The following COL17A1 variants were observed in gnomAD, a reference collection of about 807,000 sequenced individuals.
COL17A1 encodes collagen type XVII alpha 1 chain.
COL17A1 carries 181 observed loss-of-function variants against 218.4 expected under a neutral mutation model. The observed-to-expected ratio is 0.83, with a 90% CI of 0.73 to 0.94. The LOEUF is 0.94. Ranked by LOEUF, COL17A1 falls within the 40% of genes least tolerant of loss-of-function variation. The probability of loss-of-function intolerance (pLI) is 0.00; values close to 1 mark genes in which losing one functional copy is unlikely to be tolerated. For synonymous variants in COL17A1, 721 were observed against 731.0 expected (o/e 0.99, Z 0.22); for missense variants, 1,924 against 1,945.9 (o/e 0.99, Z 0.21).
intron 46 of COL17A1, among the ~76,000 whole-genome samples, 193 bp downstream of exon 46, chr10:104,037,443 G>T (rs932767870): frequency 6.6e-6 from 1 of 152,192 alleles, no homozygotes; most frequent in Non-Finnish European, 1.5e-5. Flanking sequence ...TGTCTCTCCA[G>T]CGTGGCCGCC....
At chr10:104,036,778 G>A in intron 47 of COL17A1, 146 bp from the exon 48 acceptor site, 1 of 1,031,764 alleles carries the variant, frequency 9.7e-7, no homozygotes, top group Non-Finnish European at 1.5e-6. Context: ...GGTGTTCAGG[G>A]GGGACACCAG....
chr10:104,055,001 A>C lies in COL17A1; in HGVS notation c.1724T>G (p.Met575Arg). ...LRGSPGPKGDMGSPGPKGDRG... is the reference protein window; with the variant it reads ...LRGSPGPKGDRGSPGPKGDRG... ...ATTACCTTTAGGGCCTGGACTTCCC[A>C]TGTCACCTGAAACCAGAAAGATATG... The change falls in exon 20 of 56, where the codon ATG (methionine) becomes AGG (arginine). Residue 575 changes from methionine to arginine, a missense_variant. By Grantham distance (91) the Met-to-Arg change is moderately conservative. Coordinates refer to ENST00000648076, the MANE Select transcript of COL17A1 (RefSeq NM_000494.4). The C allele has an allele frequency of 6.2e-7, 1 of 1,614,102 alleles. No homozygotes were observed.
intron 41 of COL17A1, 103 bp downstream of exon 41, chr10:104,039,870 T>G: frequency 6.6e-7 from 1 of 1,511,832 alleles, no homozygotes; most frequent in Non-Finnish European, 9.2e-7. Context: ...CTCTTGCTTA[T>G]TTGCACCAGG....
rs2086313491 is a variant in COL17A1, at chr10:104,037,630, GC to G, written c.3208+5del. On this transcript the variant is annotated splice_donor_5th_base_variant and intron_variant, in intron 46 of 55. Transcript: ENST00000648076. ...TGCCAGGTGCAGGGCGTGGGGAAGG[GC>G]TTACTCCGTAAGTAGCTCACAACGT... 1 of 1,614,022 alleles carries G rather than the reference GC, an allele frequency of 6.2e-7. No homozygotes were observed. The highest frequency in any genetic ancestry group is 1.3e-5 in the African/African-American group (1 of 74,924).
intron 27 of COL17A1, 59 bp from the exon 28 acceptor site, chr10:104,050,183 C>A (rs2086454797): frequency 6.2e-7 from 1 of 1,611,130 alleles, no homozygotes; most frequent in Non-Finnish European, 8.5e-7. Flanking sequence ...AAAACACTCT[C>A]ACCCAGTAAC....
rs982593963 is a variant in COL17A1 at position 104,059,650 on chromosome 10, C to T, written c.1210G>A (p.Ala404Thr). ...AAYNADSGLK[A>T]EANGDLKTVS... ...TATTTGTTCTTACCATTAGCTTCGG[C>T]TTTTAGGCCTGAGTCAGCATTGTAG... The change falls in exon 15 of 56, where the codon GCC (alanine) becomes ACC (threonine). Residue 404 changes from alanine (A) to threonine (T), a missense_variant. Physicochemically the swap from Ala to Thr is moderately conservative, Grantham distance 58 (BLOSUM62 0). Transcript: ENST00000648076. 5 of 1,614,100 alleles carry T rather than the reference C, an allele frequency of 3.1e-6. No homozygotes were observed. Among genetic ancestry groups the T allele is most frequent in the African/African-American group, 2.7e-5 (2 of 74,940 alleles).
rs962369416 is a variant in COL17A1 at position 104,037,119 on chromosome 10, G to A, written c.3209-6C>T. 3 of 1,601,176 alleles carry A rather than the reference G, an allele frequency of 1.9e-6. No homozygotes were observed. The highest frequency in any genetic ancestry group is 2.6e-6 in the Non-Finnish European group (3 of 1,173,912). On this transcript the variant is annotated splice_region_variant and splice_polypyrimidine_tract_variant and intron_variant, in intron 46 of 55. Transcript: ENST00000648076. ...GCTGACACCGTACCCCGAAGCTGTCGGGAAGAAAACCTCAGGTTACCTGCT... is the reference window on the plus strand; with the variant it reads ...GCTGACACCGTACCCCGAAGCTGTCAGGAAGAAAACCTCAGGTTACCTGCT...
chr10:104,060,510 T>A (rs916105584), intron 13 of COL17A1, among the ~76,000 whole-genome samples: 3 of 152,150 alleles, frequency 2.0e-5, no homozygotes, highest in African/African-American at 7.2e-5. Flanking sequence ...TGGGTCAATG[T>A]CAGAAGCTCT....
chr10:104,075,511 C>A (rs748448379), intron 5 of COL17A1, among the ~76,000 whole-genome samples: 1 of 152,326 alleles, frequency 6.6e-6, no homozygotes. Context: ...CTGGTCCCAG[C>A]CAAAATGTCC....
chr10:104,055,444 TCACACACACACA>T (rs1554849247), intron 18 of COL17A1, 43 bp from the exon 19 acceptor site: 16 of 1,129,464 alleles, frequency 1.4e-5, no homozygotes, highest in African/African-American at 3.3e-5. Context: ...ACATCTCCTG[TCACACACACACA>T]CACACACACA....
chr10:104,045,195 C>T (rs772664510), intron 33 of COL17A1, among the ~76,000 whole-genome samples: 6 of 152,126 alleles, frequency 3.9e-5, no homozygotes, highest in Non-Finnish European at 7.4e-5. Flanking sequence ...CACCACATTG[C>T]CCCAGTCAGA....
chr10:104,080,809 G>T, intron 1 of COL17A1, 125 bp from the exon 2 acceptor site: 2 of 1,025,350 alleles, frequency 2.0e-6, no homozygotes, highest in Non-Finnish European at 2.9e-6. Context: ...ATTCTTTCAC[G>T]TGAATATTTT....
At chr10:104,061,303 C>G in intron 13 of COL17A1, 102 bp downstream of exon 13, 2 of 1,205,146 alleles carry the variant, frequency 1.7e-6, no homozygotes, top group Middle Eastern at 2.4e-4. Flanking sequence ...ATTTCCTCTT[C>G]CAGTATACCA....
chr10:104,041,607 T>C, intron 36 of COL17A1, 69 bp from the exon 37 acceptor site: 1 of 1,346,800 alleles, frequency 7.4e-7, no homozygotes, highest in Non-Finnish European at 1.1e-6. Flanking sequence ...ACTTCTCACC[T>C]CTCACTGGAT....
chr10:104,070,796 A>G (rs568330931), intron 8 of COL17A1, among the ~76,000 whole-genome samples: 3 of 152,326 alleles, frequency 2.0e-5, no homozygotes, highest in South Asian at 2.1e-4. Context: ...GCGTCTCACA[A>G]GGAGGTCAAG....
intron 17 of COL17A1, among the ~76,000 whole-genome samples, chr10:104,056,618 G>C (rs1047621396): frequency 6.6e-6 from 1 of 151,958 alleles, no homozygotes; most frequent in African/African-American, 2.4e-5. Flanking sequence ...AGAAAGAAAA[G>C]AAATAGATAT....
At chr10:104,069,654 C>G (rs766887763) in intron 9 of COL17A1, among the ~76,000 whole-genome samples, 4 of 152,152 alleles carry the variant, frequency 2.6e-5, no homozygotes, top group Non-Finnish European at 5.9e-5. Context: ...AAACCAAAAA[C>G]CAGTTTTTAA....
rs1439700000 is a variant in COL17A1 at position 104,056,969 on chromosome 10, A to G, written c.1465+6T>C. 4.5e-6 allele frequency: 7 copies of G among 1,565,906 alleles called. No individual in the cohort carries two copies. The highest frequency in any genetic ancestry group is 5.2e-6 in the Non-Finnish European group (6 of 1,156,184). On this transcript the variant is annotated splice_donor_region_variant and intron_variant, in intron 17 of 55. Transcript: ENST00000648076. ...CACAGGCTGCCCTGCTGCCTTTGCC[A>G]CGTACCCAGAGCAATGAGGCCGAAG...
intron 1 of COL17A1, among the ~76,000 whole-genome samples, chr10:104,082,834 C>T (rs931647445): frequency 1.3e-5 from 2 of 152,176 alleles, no homozygotes; most frequent in East Asian, 1.9e-4. Flanking sequence ...AATGACAAAG[C>T]CTTGACTTCT....
Sources: allele counts gnomAD v4.1 joint callset (sites outside exome capture counted in the v4.1 genomes callset), GRCh38; gene constraint gnomAD v4.1.1; transcripts MANE v1.5; gene names NCBI Gene and HGNC (gene_info 2026-07-23, HGNC 2026-07-21).